The following GRIK2 variants were observed in gnomAD, a reference collection of about 807,000 sequenced individuals.
GRIK2 encodes the protein glutamate ionotropic receptor kainate type subunit 2.
A neutral mutation model predicts 100.3 loss-of-function variants in GRIK2; 32 were observed. The ratio of observed to expected loss-of-function variants is 0.32; its 90% CI spans 0.24 to 0.43. The LOEUF (loss-of-function observed/expected upper bound fraction) is 0.43, where lower values mean the gene tolerates loss of function less well. Ranked by LOEUF, GRIK2 falls within the 20% of genes least tolerant of loss-of-function variation. The probability of loss-of-function intolerance (pLI) is 1.00; values close to 1 mark genes in which losing one functional copy is unlikely to be tolerated. For missense variants in GRIK2, 843 were observed against 1,114.9 expected, an observed-to-expected ratio of 0.76 and a Z score of 3.47; for synonymous variants, 417 against 389.4, an observed-to-expected ratio of 1.07 and a Z score of -0.83.
At chr6:102,060,780 T>TTA (rs1771708806) in intron 16 of GRIK2, among the ~76,000 whole-genome samples, 1 of 150,646 alleles carries the variant, frequency 6.6e-6, no homozygotes. Context: ...TCTAAGTAAA[T>TTA]TTTCAGTGTA....
At chr6:101,497,772 TAAG>T (rs965555669) in intron 2 of GRIK2, among the ~76,000 whole-genome samples, 5 of 152,108 alleles carry the variant, frequency 3.3e-5, no homozygotes, top group African/African-American at 9.7e-5. Context: ...CACTTTAAAA[TAAG>T]AAATATAAAT....
At chr6:101,512,789 CATT>C in intron 2 of GRIK2, among the ~76,000 whole-genome samples, 1 of 151,820 alleles carries the variant, frequency 6.6e-6, no homozygotes, top group Non-Finnish European at 1.5e-5. Flanking sequence ...TATAAAGAAT[CATT>C]ATATTTTAAA....
At chr6:101,663,245 G>A (rs572812499) in intron 4 of GRIK2, among the ~76,000 whole-genome samples, 12 of 152,200 alleles carry the variant, frequency 7.9e-5, no homozygotes, top group Non-Finnish European at 1.2e-4. Context: ...ATCATTTGCC[G>A]TTCATAACTG....
At chr6:101,965,409 C>T (rs1317815344) in intron 14 of GRIK2, among the ~76,000 whole-genome samples, 1 of 152,104 alleles carries the variant, frequency 6.6e-6, no homozygotes, top group Admixed American at 6.6e-5. Flanking sequence ...CTGTCACTCT[C>T]ATCATGCCAT....
intron 2 of GRIK2, among the ~76,000 whole-genome samples, chr6:101,448,084 G>C (rs1770476737): frequency 6.6e-6 from 1 of 151,636 alleles, no homozygotes; most frequent in African/African-American, 2.4e-5. Context: ...TGATTAATTA[G>C]AGGCATCAAT....
intron 14 of GRIK2, among the ~76,000 whole-genome samples, chr6:101,954,794 G>A (rs1036314255): frequency 4.0e-5 from 6 of 151,816 alleles, no homozygotes; most frequent in Non-Finnish European, 8.8e-5. Flanking sequence ...TCCTAATATC[G>A]GGGGAAAACA....
chr6:101,747,433 G>A (rs1228504303), intron 7 of GRIK2, among the ~76,000 whole-genome samples: 1 of 152,146 alleles, frequency 6.6e-6, no homozygotes, highest in Non-Finnish European at 1.5e-5. Context: ...GCCATGTCAA[G>A]TCTACATAAA....
chr6:101,828,553 G>T (rs1562420652), intron 10 of GRIK2, among the ~76,000 whole-genome samples: 1 of 151,754 alleles, frequency 6.6e-6, no homozygotes, highest in African/African-American at 2.4e-5. Context: ...AAAGAGAGAA[G>T]ATCCAACTAA....
At chr6:101,899,736 G>T (rs1283957379) in intron 12 of GRIK2, among the ~76,000 whole-genome samples, 1 of 152,106 alleles carries the variant, frequency 6.6e-6, no homozygotes, top group Non-Finnish European at 1.5e-5. Flanking sequence ...AGGTGAAATT[G>T]TAGGTTTTGA....
chr6:101,798,479 A>G (rs778901867), intron 7 of GRIK2, among the ~76,000 whole-genome samples: 2 of 152,034 alleles, frequency 1.3e-5, no homozygotes, highest in African/African-American at 2.4e-5. Context: ...TATGAACTAT[A>G]AAATAATATT....
Position 102,055,572 on chromosome 6 carries a change from T to C in GRIK2, c.2554T>C (p.Leu852=), listed in dbSNP as rs1209218840. The C allele has an allele frequency of 3.7e-6, 6 of 1,605,256 alleles. No individual in the cohort carries two copies. The highest frequency in any genetic ancestry group is 5.1e-6 in the Non-Finnish European group (6 of 1,172,486). Reference sequence around the variant, plus strand: ...ATACAAATCCAAAAAAAACGCTCAATTGGAAAAGGTAAATGTTACTTGTTT... The same window carrying C: ...ATACAAATCCAAAAAAAACGCTCAACTGGAAAAGGTAAATGTTACTTGTTT... ...FLYKSKKNAQ[L]EKRSFCSAMV... The change falls in exon 16 of 17, where the codon TTG becomes CTG. Residue 852 remains leucine, a synonymous_variant. Coordinates refer to ENST00000369134, the MANE Select transcript of GRIK2 (RefSeq NM_021956.5).
chr6:101,775,483 A>T (rs1778680465), intron 7 of GRIK2, among the ~76,000 whole-genome samples: 1 of 151,800 alleles, frequency 6.6e-6, no homozygotes, highest in Non-Finnish European at 1.5e-5. Flanking sequence ...GTACTCAATG[A>T]CACACATGTA....
At chr6:102,048,976 A>T (rs1350610936) in intron 15 of GRIK2, among the ~76,000 whole-genome samples, 5 of 152,108 alleles carry the variant, frequency 3.3e-5, no homozygotes, top group Non-Finnish European at 7.4e-5. Context: ...TGTATGAAGG[A>T]TTTGGGTTCT....
intron 2 of GRIK2, among the ~76,000 whole-genome samples, chr6:101,420,513 C>T (rs927034699): frequency 1.3e-5 from 2 of 152,104 alleles, no homozygotes; most frequent in African/African-American, 4.8e-5. Flanking sequence ...TCATCAGTAC[C>T]ACCAGGGAAG....
At chr6:101,853,212 CT>C (rs1784240239) in intron 10 of GRIK2, among the ~76,000 whole-genome samples, 1 of 152,088 alleles carries the variant, frequency 6.6e-6, no homozygotes, top group African/African-American at 2.4e-5. Flanking sequence ...ATTTTGTTGC[CT>C]CTTTTAGTTG....
At chr6:102,042,661 C>A (rs914834374) in intron 15 of GRIK2, among the ~76,000 whole-genome samples, 3 of 151,610 alleles carry the variant, frequency 2.0e-5, no homozygotes, top group Non-Finnish European at 3.0e-5. Context: ...TCTTATAATT[C>A]TTTCCTTGGA....
In GRIK2 at chr6:101,859,388, C is replaced by T. The variant is rs763110619; in HGVS notation, c.1419C>T (p.Ile473=). 1.2e-6 allele frequency: 2 copies of T among 1,601,412 alleles called. No individual in the cohort carries two copies. The highest frequency in any genetic ancestry group is 1.3e-5 in the African/African-American group (1 of 74,684). The part of the protein sequence containing the change: ...CIDLLRELST[I]LGFTYEIRLV... ...ATCTCCTCAGAGAGTTATCTACAAT[C>T]CTTGGCTTTACATATGAAATTAGAC... is the stretch of plus-strand genomic sequence containing the variant. The change falls in exon 11 of 17, where the codon ATC becomes ATT. Residue 473 remains isoleucine, a synonymous_variant. Transcript: ENST00000369134.
rs1162665026 is a variant in GRIK2, at chr6:101,446,376, A to T, written c.115+46984A>T. On this transcript the variant is annotated intron_variant, in intron 2 of 16. Coordinates refer to ENST00000369134, the MANE Select transcript of GRIK2 (RefSeq NM_021956.5). The stretch of plus-strand genomic sequence containing the variant: ...TATCTATGCAGCTCATCAGTTCATT[A>T]TTACACTTCATTATAAAGAATACAC... Among the ~76,000 whole-genome samples the T allele has an allele frequency of 2.0e-5, 3 of 151,954 alleles. No homozygotes were observed. The East Asian group carries it at 5.8e-4, about 29-fold the overall frequency.
chr6:101,648,929 T>A (rs1385831517), intron 4 of GRIK2, among the ~76,000 whole-genome samples: 1 of 152,044 alleles, frequency 6.6e-6, no homozygotes, highest in Non-Finnish European at 1.5e-5. Flanking sequence ...CAAGAAAGCT[T>A]GTGCAAGGGA....
Sources: gnomAD v4.1 joint callset for allele counts (sites outside exome capture counted in the v4.1 genomes callset) on GRCh38, gnomAD v4.1.1 for gene constraint, MANE v1.5 for transcripts, NCBI Gene and HGNC (gene_info 2026-07-23, HGNC 2026-07-21) for gene names.